Variants in SLC25A48 observed in about 807,000 individuals in gnomAD.
The protein encoded by SLC25A48 is solute carrier family 25 member 48, also known as CTC-321K16.1.
Under a neutral mutation model 32.2 loss-of-function variants are expected in SLC25A48, and 29 were observed. That is an observed-to-expected ratio of 0.90 (90% confidence interval 0.67 to 1.23). SLC25A48 has a LOEUF of 1.23. SLC25A48 is among the 50% of genes most tolerant of loss of function. The pLI, the probability that SLC25A48 is intolerant of heterozygous loss-of-function variation, is 0.00. For missense variants in SLC25A48, 399 were observed against 422.7 expected (o/e 0.94, Z 0.49); for synonymous variants, 164 against 172.3 (o/e 0.95, Z 0.38).
In SLC25A48 at chr5:135,629,139, A is replaced by G. The variant is rs1290682251; in HGVS notation, c.-848-98A>G. 1 of 152,216 alleles carries G rather than the reference A, an allele frequency of 6.6e-6. No homozygotes were observed. Among genetic ancestry groups the G allele is most frequent in the Non-Finnish European group, 1.5e-5 (1 of 68,042 alleles). The allele number at this position is 152,216 out of a possible 1,614,324, so 9.4% of individuals were successfully genotyped here. ...ATTTTGCCTTGGGCTGCTGTGGATC[A>G]TTTCACAGAAATTCAGGGCTAGAAT... On this transcript the variant is annotated intron_variant, in intron 1 of 10. Transcript: ENST00000646290. The surrounding 1 kb of genome is among the most constrained non-coding windows in gnomAD (Gnocchi z 4.8).
chr5:135,719,621 A>G (rs1754899729), intron 3 of SLC25A48, among the ~76,000 whole-genome samples: 1 of 152,184 alleles, frequency 6.6e-6, no homozygotes. Context: ...AGCCCTGCTC[A>G]GGAATGTGTC....
rs1444623888 is a variant in SLC25A48 at position 135,779,449 on chromosome 5, C to T, written c.-520-33074C>T. Among the ~76,000 whole-genome samples, 4 of 151,602 alleles carry T rather than the reference C, an allele frequency of 2.6e-5. No homozygotes were observed. The East Asian group carries it at 7.8e-4, about 30-fold the overall frequency. Reference sequence around the variant, plus strand: ...CCCAATATCACAGGGACTGTACACCCCACCTGTGATATTTTTCCTAATATC... The same window carrying T: ...CCCAATATCACAGGGACTGTACACCTCACCTGTGATATTTTTCCTAATATC... On this transcript the variant is annotated intron_variant, in intron 3 of 10. Coordinates refer to the SLC25A48 transcript ENST00000646290.
At chr5:135,693,546 C>T (rs1248085839) in intron 3 of SLC25A48, among the ~76,000 whole-genome samples, 1 of 152,234 alleles carries the variant, frequency 6.6e-6, no homozygotes, top group Non-Finnish European at 1.5e-5. Flanking sequence ...ACATGTGTAC[C>T]TCCACAATCT....
At chr5:135,822,664 A>G (rs1757922381) in intron 4 of SLC25A48, among the ~76,000 whole-genome samples, 1 of 152,232 alleles carries the variant, frequency 6.6e-6, no homozygotes, top group Non-Finnish European at 1.5e-5. Flanking sequence ...ATCTGCAAAG[A>G]TCCCATTTCC....
chr5:135,582,868 C>G (rs142531126), intron 1 of SLC25A48, among the ~76,000 whole-genome samples: 1 of 152,202 alleles, frequency 6.6e-6, no homozygotes, highest in Admixed American at 6.5e-5. Flanking sequence ...AGTTCTAATC[C>G]CACGAGCATA....
intron 2 of SLC25A48, among the ~76,000 whole-genome samples, chr5:135,843,470 T>A (rs1025051300): frequency 1.3e-5 from 2 of 152,126 alleles, no homozygotes; most frequent in African/African-American, 4.8e-5. Context: ...GAGACAGATA[T>A]TTTTAGGACA....
intron 3 of SLC25A48, among the ~76,000 whole-genome samples, chr5:135,716,196 G>A (rs1402444134): frequency 6.6e-6 from 1 of 152,174 alleles, no homozygotes; most frequent in Non-Finnish European, 1.5e-5. Context: ...AGGAAAAAGT[G>A]AACCTCATGC....
intron 3 of SLC25A48, among the ~76,000 whole-genome samples, chr5:135,754,188 A>T (rs974264120): frequency 2.0e-5 from 3 of 152,108 alleles, no homozygotes; most frequent in African/African-American, 7.2e-5. Context: ...CGATTATATT[A>T]TGCAGGATAT....
intron 4 of SLC25A48, among the ~76,000 whole-genome samples, chr5:135,815,223 G>C (rs1306265070): frequency 1.3e-5 from 2 of 152,142 alleles, no homozygotes; most frequent in African/African-American, 2.4e-5. Context: ...GGAAGGCATG[G>C]TTGTGGGATG....
intron 3 of SLC25A48, among the ~76,000 whole-genome samples, chr5:135,791,243 A>G (rs1757024065): frequency 6.6e-6 from 1 of 151,794 alleles, no homozygotes; most frequent in Admixed American, 6.6e-5. Flanking sequence ...AGGTGATATT[A>G]TGTCTTATGT....
intron 3 of SLC25A48, among the ~76,000 whole-genome samples, chr5:135,765,744 C>T (rs1756199726): frequency 6.6e-6 from 1 of 151,058 alleles, no homozygotes; most frequent in Admixed American, 6.6e-5. Context: ...GTACACCTAC[C>T]TGTGATATGG....
chr5:135,828,877 C>T (rs996909464), intron 4 of SLC25A48, among the ~76,000 whole-genome samples: 1 of 152,218 alleles, frequency 6.6e-6, no homozygotes, highest in African/African-American at 2.4e-5. Context: ...TCCCGACTCC[C>T]CTTGCATTCT....
intron 4 of SLC25A48, among the ~76,000 whole-genome samples, chr5:135,816,839 C>T (rs1363664651): frequency 6.6e-6 from 1 of 152,090 alleles, no homozygotes; most frequent in Non-Finnish European, 1.5e-5. Context: ...CTAAAATTAC[C>T]TCAGCTTTCA....
intron 3 of SLC25A48, among the ~76,000 whole-genome samples, chr5:135,708,999 A>G (rs965851757): frequency 1.3e-5 from 2 of 152,224 alleles, no homozygotes; most frequent in Admixed American, 6.5e-5. Flanking sequence ...CTGCTTGACT[A>G]TCCTGCCAAG....
chr5:135,582,659 C>G (rs1210895211), intron 1 of SLC25A48, among the ~76,000 whole-genome samples: 1 of 152,138 alleles, frequency 6.6e-6, no homozygotes, highest in Non-Finnish European at 1.5e-5. Flanking sequence ...AGTGCGCACC[C>G]AATCATGACC....
chr5:135,692,137 G>A (rs1754158776), intron 3 of SLC25A48, among the ~76,000 whole-genome samples: 1 of 152,120 alleles, frequency 6.6e-6, no homozygotes, highest in Non-Finnish European at 1.5e-5. Flanking sequence ...CTAACACGGT[G>A]AAACCCCATC....
chr5:135,757,504 A>G (rs1755945062), intron 3 of SLC25A48, among the ~76,000 whole-genome samples: 1 of 149,558 alleles, frequency 6.7e-6, no homozygotes, highest in African/African-American at 2.4e-5. Flanking sequence ...TGATATTTAT[A>G]ATGTCTACTG....
chr5:135,706,043 T>A (rs905421893), intron 3 of SLC25A48, among the ~76,000 whole-genome samples: 2 of 152,188 alleles, frequency 1.3e-5, no homozygotes, highest in African/African-American at 4.8e-5. Flanking sequence ...GCCCTTCTGG[T>A]CATCGGCCCA....
chr5:135,730,201 C>T (rs1396119086), intron 3 of SLC25A48, among the ~76,000 whole-genome samples: 2 of 152,190 alleles, frequency 1.3e-5, no homozygotes, highest in African/African-American at 2.4e-5. Context: ...TCTGCTGTTA[C>T]TGTTCCAATT....
Sources: gnomAD v4.1 joint callset for allele counts (sites outside exome capture counted in the v4.1 genomes callset) on GRCh38, gnomAD v4.1.1 for gene constraint, Gnocchi (gnomAD v3.1) non-coding constraint, MANE v1.5 for transcripts, NCBI Gene and HGNC (gene_info 2026-07-23, HGNC 2026-07-21) for gene names.